Variants in NUP85 observed in about 807,000 individuals in gnomAD.
The protein encoded by NUP85 is nuclear pore complex protein Nup85.
Under a neutral mutation model 92.8 loss-of-function variants are expected in NUP85, and 23 were observed. The ratio of observed to expected loss-of-function variants is 0.25; its 90% CI spans 0.18 to 0.35. The LOEUF (loss-of-function observed/expected upper bound fraction) is 0.35. Among genes scored for constraint, NUP85 ranks in the 10% least tolerant of loss-of-function variants. NUP85 has a pLI of 1.00. For missense variants in NUP85, 759 were observed against 822.8 expected (o/e 0.92, Z 0.95); for synonymous variants, 314 against 306.9 (o/e 1.02, Z -0.24).
intron 5 of NUP85, among the ~76,000 whole-genome samples, chr17:75,214,849 T>C (rs2075379501): frequency 1.3e-5 from 1 of 76,768 alleles, no homozygotes; most frequent in Non-Finnish European, 2.8e-5. Context: ...AGAGTGAGAC[T>C]CTGTCTCAAA....
chr17:75,232,625 ACACT>A (rs977321272), intron 14 of NUP85, among the ~76,000 whole-genome samples: 2 of 152,116 alleles, frequency 1.3e-5, no homozygotes, highest in Admixed American at 1.3e-4. Flanking sequence ...GAAGCCACAC[ACACT>A]CATAGAGCCA....
intron 7 of NUP85, among the ~76,000 whole-genome samples, chr17:75,220,071 G>T (rs1400102556): frequency 6.6e-6 from 1 of 152,120 alleles, no homozygotes; most frequent in Non-Finnish European, 1.5e-5. Flanking sequence ...ATGGTCTGTG[G>T]TGCCACACTG....
At chr17:75,224,725 G>A (rs2075714975) in intron 7 of NUP85, among the ~76,000 whole-genome samples, 1 of 151,864 alleles carries the variant, frequency 6.6e-6, no homozygotes. Flanking sequence ...TCAGCTACTC[G>A]GGAGGTTGAG....
At chr17:75,216,517 G>A (rs371548579) in intron 6 of NUP85, among the ~76,000 whole-genome samples, 1 of 152,036 alleles carries the variant, frequency 6.6e-6, no homozygotes, top group African/African-American at 2.4e-5. Context: ...TGCCTGCCTC[G>A]GTCTCCCAAA....
chr17:75,212,924 C>CA (rs2075318406), intron 4 of NUP85, 152 bp from the exon 5 acceptor site: 2 of 808,236 alleles, frequency 2.5e-6, no homozygotes, highest in South Asian at 3.7e-5. Flanking sequence ...TTAACAGCAA[C>CA]AAAAAAATCC....
Position 75,228,868 on chromosome 17 carries a change from G to A in NUP85, c.1095-2472G>A, listed in dbSNP as rs146263356. On this transcript the variant is annotated intron_variant, in intron 11 of 18. Transcript: ENST00000245544. The stretch of plus-strand genomic sequence containing the variant: ...GATCCTGACTCAGAGGCTGTAGTTC[G>A]TCAGCCCTGCTAAAGGGCCAGGGGT... 1.4e-4 allele frequency: 140 copies of A among 985,452 alleles called. 3 individuals carry two copies. In the African/African-American group the frequency reaches 2.2e-3, roughly 15 times the overall value. 61.0% of individuals were successfully genotyped at this position (985,452 alleles called of 1,614,324 possible).
rs202207200 is a variant in NUP85 at position 75,205,721 on chromosome 17, T to C, written c.-41T>C. 55 of 1,613,716 alleles carry C rather than the reference T, an allele frequency of 3.4e-5. No homozygotes were observed. The highest frequency in any genetic ancestry group is 2.9e-4 in the East Asian group (13 of 44,874). Reference sequence around the variant, plus strand: ...GAGCGGGAGGCCTGAGCGGGAAGCATTGGCGTCCGAGCGACTTCTAGGAGC... The same window carrying C: ...GAGCGGGAGGCCTGAGCGGGAAGCACTGGCGTCCGAGCGACTTCTAGGAGC... On this transcript the variant is annotated 5_prime_UTR_variant, in exon 1 of 19. Coordinates refer to ENST00000245544, the MANE Select transcript of NUP85 (RefSeq NM_024844.5).
chr17:75,211,999 C>G lies in NUP85; in HGVS notation c.298C>G (p.Arg100Gly). ...TTATTTCATTTTTTGTAGATTGGTTCGAGTGAGTAAAAACTACCGATCAGT... is the reference window on the plus strand; with the variant it reads ...TTATTTCATTTTTTGTAGATTGGTTGGAGTGAGTAAAAACTACCGATCAGT... ...TGKSRKSQLV[R>G]VSKNYRSVIR... Residue 100 changes from arginine to glycine, a missense_variant, in exon 4 of 19, where the codon CGA becomes GGA. Coordinates refer to ENST00000245544, the MANE Select transcript of NUP85 (RefSeq NM_024844.5). 1.9e-6 allele frequency: 3 copies of G among 1,612,178 alleles called. No individual in the cohort carries two copies. Among genetic ancestry groups the G allele is most frequent in the Non-Finnish European group, 2.5e-6 (3 of 1,179,092 alleles).
chr17:75,208,489 C>G, intron 1 of NUP85, 38 bp from the exon 2 acceptor site: 1 of 858,592 alleles, frequency 1.2e-6, no homozygotes, highest in Non-Finnish European at 1.9e-6. Flanking sequence ...GTAAGAAGAA[C>G]ATTTTTCATT....
intron 5 of NUP85, 122 bp from the exon 6 acceptor site, chr17:75,215,632 T>C (rs1176933608): frequency 1.6e-5 from 13 of 820,206 alleles, no homozygotes; most frequent in African/African-American, 1.2e-4. Context: ...TCCAGTAGGA[T>C]TGCAGTAACC....
intron 11 of NUP85, 91 bp downstream of exon 11, chr17:75,226,248 C>A: frequency 1.0e-6 from 1 of 960,084 alleles, no homozygotes; most frequent in South Asian, 1.4e-5. Context: ...CCTTCCTTAC[C>A]CTTCTTCCCT....
In NUP85 at chr17:75,231,797, CCTCATGT is replaced by C; in HGVS notation, c.1245-28_1245-22del. On this transcript the variant is annotated intron_variant, in intron 13 of 18. Coordinates refer to ENST00000245544, the MANE Select transcript of NUP85 (RefSeq NM_024844.5). The surrounding 1 kb of genome is among the most constrained non-coding windows in gnomAD (Gnocchi z 4.6). ...CAGTCCTCGGAGCCATGAGGCAGCA[CCTCATGT>C]CTGTCCTCCTCGAACCTTTGCAGCC... The C allele has an allele frequency of 6.2e-7, 1 of 1,613,402 alleles. No individual in the cohort carries two copies. Among genetic ancestry groups the C allele is most frequent in the African/African-American group, 1.3e-5 (1 of 75,034 alleles).
intron 1 of NUP85, among the ~76,000 whole-genome samples, chr17:75,206,104 C>G (rs1432906503): frequency 6.6e-6 from 1 of 152,072 alleles, no homozygotes; most frequent in Non-Finnish European, 1.5e-5. Context: ...GGGTTCAGCC[C>G]AAGCAGAGGA....
intron 7 of NUP85, among the ~76,000 whole-genome samples, chr17:75,221,226 TCTCA>T (rs2075589968): frequency 6.6e-6 from 1 of 151,424 alleles, no homozygotes; most frequent in African/African-American, 2.4e-5. Context: ...TGAGGCAGAG[TCTCA>T]CTCTGTTGCC....
chr17:75,219,134 A>G (rs1423479452), intron 7 of NUP85, among the ~76,000 whole-genome samples: 3 of 152,184 alleles, frequency 2.0e-5, no homozygotes, highest in African/African-American at 2.4e-5. Context: ...TGGAAAGTCA[A>G]CTAAACTTAT....
rs764145774 is a variant in NUP85, at chr17:75,205,746, C to G, written c.-16C>G. ...TTGGCGTCCGAGCGACTTCTAGGAG[C>G]CTGGGGTTCGGCGCTATGGAGGAGC... is the stretch of plus-strand genomic sequence containing the variant. On this transcript the variant is annotated 5_prime_UTR_variant, in exon 1 of 19. Transcript: ENST00000245544. 3.1e-6 allele frequency: 5 copies of G among 1,614,026 alleles called. No homozygotes were observed. The highest frequency in any genetic ancestry group is 4.2e-6 in the Non-Finnish European group (5 of 1,180,032).
In NUP85 at chr17:75,232,835, C is replaced by G. The variant is rs975506262; in HGVS notation, c.1397-16C>G. ...GTGGAGTGAAAGCCGTTTACCTTTT[C>G]TTTTCCCCTGCAAAGTTCGCAGCAT... is the stretch of plus-strand genomic sequence containing the variant. On this transcript the variant is annotated splice_polypyrimidine_tract_variant and intron_variant, in intron 14 of 18. Transcript: ENST00000245544. 3 of 1,611,332 alleles carry G rather than the reference C, an allele frequency of 1.9e-6. No individual in the cohort carries two copies. Among genetic ancestry groups the G allele is most frequent in the Non-Finnish European group, 2.5e-6 (3 of 1,177,526 alleles).
At position 75,212,084 on chromosome 17, in the gene NUP85, G is replaced by A. The variant is rs201876132; in HGVS notation, c.361+22G>A. Reference sequence around the variant, plus strand: ...GCAAGTAAGGACTGTGTGCGCGTGCGCGCGTGTGTGTGTGTGTGTGTGTGT... The same window carrying A: ...GCAAGTAAGGACTGTGTGCGCGTGCACGCGTGTGTGTGTGTGTGTGTGTGT... On this transcript the variant is annotated intron_variant, in intron 4 of 18. Transcript: ENST00000245544. 7.6e-4 allele frequency: 1,092 copies of A among 1,439,470 alleles called. 7 individuals carry two copies. In the African/African-American group the frequency reaches 0.022, roughly 29 times the overall value. 89.2% of individuals were successfully genotyped at this position (1,439,470 alleles called of 1,614,324 possible).
At chr17:75,206,964 C>T (rs2075103484) in intron 1 of NUP85, among the ~76,000 whole-genome samples, 1 of 152,144 alleles carries the variant, frequency 6.6e-6, no homozygotes, top group African/African-American at 2.4e-5. Context: ...ACCTCGGCCT[C>T]CCAAAGTGCT....
Sources: gnomAD v4.1 joint callset for allele counts (sites outside exome capture counted in the v4.1 genomes callset) on GRCh38, gnomAD v4.1.1 for gene constraint, Gnocchi (gnomAD v3.1) non-coding constraint, MANE v1.5 for transcripts, NCBI Gene and HGNC (gene_info 2026-07-23, HGNC 2026-07-21) for gene names.